Variants in UTRN observed in about 807,000 individuals in gnomAD.
The protein encoded by UTRN is utrophin.
A neutral mutation model predicts 463.9 loss-of-function variants in UTRN; 283 were observed. The observed-to-expected ratio is 0.61, with a 90% CI of 0.55 to 0.67. The LOEUF (loss-of-function observed/expected upper bound fraction) is 0.67, where lower values mean the gene tolerates loss of function less well. Among genes scored for constraint, UTRN ranks in the 30% least tolerant of loss-of-function variants. UTRN has a pLI of 0.00. For synonymous variants in UTRN, 1,442 were observed against 1,431.5 expected (o/e 1.01, Z -0.17); for missense variants, 3,922 against 4,084.3 (o/e 0.96, Z 1.08).
chr6:144,308,024 C>T (rs779671422), intron 2 of UTRN, among the ~76,000 whole-genome samples: 2 of 152,056 alleles, frequency 1.3e-5, no homozygotes, highest in African/African-American at 2.4e-5. Context: ...CTCCTCATTC[C>T]GCATTCAGAC....
At chr6:144,653,091 GT>G (rs1778984043) in intron 51 of UTRN, among the ~76,000 whole-genome samples, 1 of 152,138 alleles carries the variant, frequency 6.6e-6, no homozygotes, top group Admixed American at 6.5e-5. Flanking sequence ...ACATTGAAAT[GT>G]TTCATTCTAG....
At chr6:144,787,451 C>T (rs925425861) in intron 61 of UTRN, among the ~76,000 whole-genome samples, 1 of 152,114 alleles carries the variant, frequency 6.6e-6, no homozygotes, top group Admixed American at 6.5e-5. Flanking sequence ...CATATACCTA[C>T]ATACTAAGGG....
At chr6:144,706,172 G>A (rs1785067887) in intron 53 of UTRN, among the ~76,000 whole-genome samples, 1 of 150,294 alleles carries the variant, frequency 6.7e-6, no homozygotes, top group Non-Finnish European at 1.5e-5. Flanking sequence ...GTCTTTTCTT[G>A]AAATCAAAAT....
chr6:144,715,242 A>G (rs115429951), intron 53 of UTRN, among the ~76,000 whole-genome samples: 1 of 152,162 alleles, frequency 6.6e-6, no homozygotes, highest in Non-Finnish European at 1.5e-5. Context: ...TAGGTAACAA[A>G]TAATAATCAC....
At chr6:144,341,084 A>T (rs1246532129) in intron 2 of UTRN, among the ~76,000 whole-genome samples, 12 of 152,188 alleles carry the variant, frequency 7.9e-5, no homozygotes, top group Admixed American at 7.9e-4. Flanking sequence ...GTTTCCCACT[A>T]TGGAAAGTTC....
chr6:144,456,314 A>T (rs775709847), intron 19 of UTRN, among the ~76,000 whole-genome samples: 7 of 152,176 alleles, frequency 4.6e-5, no homozygotes, highest in Admixed American at 3.9e-4. Context: ...TGCATTTTAC[A>T]TAAGTTTTGA....
intron 53 of UTRN, among the ~76,000 whole-genome samples, chr6:144,729,843 G>C (rs2128713753): frequency 6.6e-6 from 1 of 152,236 alleles, no homozygotes; most frequent in East Asian, 1.9e-4. Flanking sequence ...GCCCTCATTG[G>C]TTTATTTTTG....
At chr6:144,762,739 T>A (rs2128728431) in intron 58 of UTRN, among the ~76,000 whole-genome samples, 1 of 152,340 alleles carries the variant, frequency 6.6e-6, no homozygotes, top group East Asian at 1.9e-4. Context: ...TGAAGATTTC[T>A]GTCAACTGGT....
At chr6:144,440,835 G>A (rs1787080118) in intron 13 of UTRN, among the ~76,000 whole-genome samples, 1 of 152,190 alleles carries the variant, frequency 6.6e-6, no homozygotes. Context: ...ATGTGGCTGG[G>A]GAGACCTCAC....
chr6:144,745,964 A>G (rs1288827879), intron 54 of UTRN, among the ~76,000 whole-genome samples: 1 of 151,256 alleles, frequency 6.6e-6, no homozygotes, highest in Non-Finnish European at 1.5e-5. Flanking sequence ...TATAAAATAT[A>G]TACAATATAA....
chr6:144,607,519 A>G (rs557035418), intron 51 of UTRN, among the ~76,000 whole-genome samples: 1 of 152,306 alleles, frequency 6.6e-6, no homozygotes, highest in South Asian at 2.1e-4. Context: ...CCAACATTTC[A>G]CTGATAATCT....
intron 51 of UTRN, among the ~76,000 whole-genome samples, chr6:144,602,367 G>C (rs1387873926): frequency 6.6e-6 from 1 of 151,566 alleles, no homozygotes; most frequent in African/African-American, 2.4e-5. Flanking sequence ...TTAAACTCCT[G>C]ACATCATGTG....
chr6:144,318,677 T>A (rs1775435937), intron 2 of UTRN, among the ~76,000 whole-genome samples: 1 of 152,148 alleles, frequency 6.6e-6, no homozygotes, highest in Non-Finnish European at 1.5e-5. Context: ...TTGGCCAGGC[T>A]GGTCTTGAAC....
chr6:144,814,412 T>C (rs781231833), intron 65 of UTRN, among the ~76,000 whole-genome samples: 43 of 152,194 alleles, frequency 2.8e-4, no homozygotes, highest in Non-Finnish European at 5.4e-4. Flanking sequence ...TATTCTGTTA[T>C]AGCAGACTGA....
At chr6:144,379,180 C>A (rs1584515052) in intron 2 of UTRN, among the ~76,000 whole-genome samples, 1 of 152,162 alleles carries the variant, frequency 6.6e-6, no homozygotes, top group Non-Finnish European at 1.5e-5. Context: ...TATTATGAAA[C>A]TTAGCAGCAA....
At chr6:144,350,108 G>A (rs1038190803) in intron 2 of UTRN, among the ~76,000 whole-genome samples, 4 of 152,154 alleles carry the variant, frequency 2.6e-5, no homozygotes, top group Non-Finnish European at 5.9e-5. Flanking sequence ...AACTTAGATT[G>A]TGAGCTGGGC....
chr6:144,850,240 T>C (rs1782373694), intron 74 of UTRN, among the ~76,000 whole-genome samples: 1 of 152,178 alleles, frequency 6.6e-6, no homozygotes, highest in Admixed American at 6.6e-5. Context: ...GGGCAGTTTT[T>C]CCAGTGGCTT....
intron 34 of UTRN, among the ~76,000 whole-genome samples, chr6:144,503,415 T>G (rs545599511): frequency 5.1e-4 from 78 of 152,268 alleles, no homozygotes; most frequent in African/African-American, 1.8e-3. Context: ...CCATCTTGAG[T>G]TAATTTTTGT....
chr6:144,816,941 G>C (rs764805902), intron 65 of UTRN, among the ~76,000 whole-genome samples: 2 of 151,932 alleles, frequency 1.3e-5, no homozygotes, highest in Non-Finnish European at 2.9e-5. Flanking sequence ...CATCTAATCA[G>C]TACATTATTT....
Sources: gnomAD v4.1 joint callset for allele counts (sites outside exome capture counted in the v4.1 genomes callset) on GRCh38, gnomAD v4.1.1 for gene constraint, MANE v1.5 for transcripts, NCBI Gene and HGNC (gene_info 2026-07-23, HGNC 2026-07-21) for gene names.